Variants in EFR3B observed in about 807,000 individuals in gnomAD.
The protein encoded by EFR3B is EFR3 homolog B.
A neutral mutation model predicts 104.7 loss-of-function variants in EFR3B; 64 were observed. The observed-to-expected ratio is 0.61, with a 90% CI of 0.50 to 0.75. EFR3B has a LOEUF of 0.75. EFR3B is among the 30% of genes least tolerant of loss of function. The pLI is 0.00. For synonymous variants in EFR3B, 385 were observed against 417.9 expected, an observed-to-expected ratio of 0.92 and a Z score of 0.96; for missense variants, 750 against 1,078.5, an observed-to-expected ratio of 0.70 and a Z score of 4.27.
At chr2:25,063,009 C>T (rs900892486) in intron 1 of EFR3B, among the ~76,000 whole-genome samples, 12 of 152,112 alleles carry the variant, frequency 7.9e-5, no homozygotes, top group Non-Finnish European at 1.0e-4. Context: ...CTGCAACCTC[C>T]GCCTCCCATG....
intron 19 of EFR3B, 136 bp downstream of exon 19, chr2:25,145,187 T>C (rs1670781603): frequency 2.6e-6 from 2 of 765,838 alleles, no homozygotes; most frequent in Non-Finnish European, 4.5e-6. Flanking sequence ...ACACTTGTAC[T>C]GACTCTCCCC....
In EFR3B at chr2:25,131,381, ACCTGGTCAT is replaced by A. The variant is rs1391389223; in HGVS notation, c.866_874del (p.Leu289_Ile291del). On this transcript the variant is annotated inframe_deletion, in exon 9 of 23. Coordinates refer to ENST00000403714, the MANE Select transcript of EFR3B (RefSeq NM_014971.2). This position sits in a 1 kb window ranked among gnomAD's most constrained non-coding sequence, Gnocchi z 7.6. Reference sequence around the variant, plus strand: ...TTCCTCCCGCAGCCGCAGCACTCACACCTGGTCATCCAGCAGCTCCTGGGCCACCTGGAC... The same window carrying A: ...TTCCTCCCGCAGCCGCAGCACTCACACCAGCAGCTCCTGGGCCACCTGGAC... 1.3e-6 allele frequency: 2 copies of A among 1,550,692 alleles called. No homozygotes were observed. Among genetic ancestry groups the A allele is most frequent in the Admixed American group, 3.9e-5 (2 of 50,970 alleles).
chr2:25,065,381 A>T (rs1372868606), intron 1 of EFR3B, among the ~76,000 whole-genome samples: 1 of 123,144 alleles, frequency 8.1e-6, no homozygotes, highest in South Asian at 2.6e-4. Context: ...GGTTCAGATG[A>T]GTTCTCACTG....
intron 1 of EFR3B, among the ~76,000 whole-genome samples, chr2:25,077,343 G>A (rs542574315): frequency 7.9e-5 from 12 of 152,104 alleles, no homozygotes; most frequent in South Asian, 4.1e-4. Context: ...GCTGGAGTGC[G>A]ATGGCACGAT....
chr2:25,143,672 T>A, intron 17 of EFR3B, 63 bp from the exon 18 acceptor site: 5 of 1,518,238 alleles, frequency 3.3e-6, no homozygotes, highest in East Asian at 2.5e-5. Context: ...AAAAAAAAAA[T>A]TGTTCAGAAG....
At chr2:25,057,696 C>T (rs868409804) in intron 1 of EFR3B, among the ~76,000 whole-genome samples, 1 of 151,220 alleles carries the variant, frequency 6.6e-6, no homozygotes, top group Non-Finnish European at 1.5e-5. Context: ...GCAGGAGAAT[C>T]GCTTGAACCT....
At chr2:25,100,111 G>A (rs1430566988) in intron 3 of EFR3B, among the ~76,000 whole-genome samples, 4 of 152,108 alleles carry the variant, frequency 2.6e-5, no homozygotes, top group Non-Finnish European at 5.9e-5. Flanking sequence ...GGCTAAGGCA[G>A]GAGAATCGCT....
In EFR3B at chr2:25,136,580, C is replaced by T; in HGVS notation, c.1542C>T (p.Asp514=). The T allele has an allele frequency of 1.9e-6, 3 of 1,551,378 alleles. No homozygotes were observed. In the South Asian group the frequency reaches 3.6e-5, roughly 18 times the overall value. Residue 514 remains aspartate, a synonymous_variant, in exon 14 of 23, where the codon GAC becomes GAT. Coordinates refer to ENST00000403714, the MANE Select transcript of EFR3B (RefSeq NM_014971.2). The surrounding 1 kb of genome is among the most constrained non-coding windows in gnomAD (Gnocchi z 4.0). The stretch of plus-strand genomic sequence containing the variant: ...AAGTGGACAAGTGCTCTCGACAGGA[C>T]ACCGTCTTCATGAAGAAGGTAAACA... ...KLKVDKCSRQ[D]TVFMKKHSQQ... is the part of the protein sequence containing the mutation.
At chr2:25,090,132 C>G (rs491147) in intron 1 of EFR3B, among the ~76,000 whole-genome samples, 115,780 of 152,218 alleles carry the variant, frequency 0.76, 44,354 homozygotes, top group South Asian at 0.88. Flanking sequence ...AATCTTCCCA[C>G]GGCACATTTG....
chr2:25,055,635 G>T (rs1215448647), intron 1 of EFR3B, among the ~76,000 whole-genome samples: 1 of 152,188 alleles, frequency 6.6e-6, no homozygotes, highest in Non-Finnish European at 1.5e-5. Flanking sequence ...TGGAGAAAAA[G>T]AAATACTGTT....
intron 4 of EFR3B, among the ~76,000 whole-genome samples, chr2:25,107,145 A>G (rs1314165827): frequency 6.6e-6 from 1 of 152,224 alleles, no homozygotes; most frequent in Non-Finnish European, 1.5e-5. Flanking sequence ...TATTCTCCCT[A>G]GAATCTGGGG....
intron 4 of EFR3B, among the ~76,000 whole-genome samples, 170 bp from the exon 5 acceptor site, chr2:25,121,503 G>A (rs542764153): frequency 3.9e-5 from 6 of 152,260 alleles, no homozygotes; most frequent in South Asian, 2.1e-4. Context: ...CAGGAGAGGC[G>A]AGCGGGATTG....
At chr2:25,150,403 G>T (rs1670970625) in intron 20 of EFR3B, among the ~76,000 whole-genome samples, 1 of 151,410 alleles carries the variant, frequency 6.6e-6, no homozygotes, top group African/African-American at 2.4e-5. Context: ...AAAAGAACAA[G>T]CTGGCCAATG....
intron 3 of EFR3B, among the ~76,000 whole-genome samples, chr2:25,096,842 A>G (rs1669294432): frequency 6.6e-6 from 1 of 152,186 alleles, no homozygotes; most frequent in African/African-American, 2.4e-5. Flanking sequence ...CACAGGCCTC[A>G]CCAGCAAATC....
chr2:25,072,604 C>T (rs979138505), intron 1 of EFR3B, among the ~76,000 whole-genome samples: 1 of 152,134 alleles, frequency 6.6e-6, no homozygotes, highest in Non-Finnish European at 1.5e-5. Context: ...TATGCCTTGA[C>T]TTCTGCTTCT....
intron 1 of EFR3B, among the ~76,000 whole-genome samples, chr2:25,049,088 A>G (rs1440135369): frequency 6.6e-6 from 1 of 152,356 alleles, no homozygotes; most frequent in Middle Eastern, 3.4e-3. Flanking sequence ...CATATTGTTC[A>G]ATTGCTTTCA....
Position 25,151,960 on chromosome 2 carries a change from G to C in EFR3B, c.2238G>C (p.Gln746His), listed in dbSNP as rs1392841458. 6.4e-7 allele frequency: 1 copy of C among 1,551,620 alleles called. No individual in the cohort carries two copies. Among genetic ancestry groups the C allele is most frequent in the Non-Finnish European group, 8.7e-7 (1 of 1,147,018 alleles). ...AGCAGGAGCGTGAGCGGCGGCGGCA[G>C]GTGGTGGAGAAGTTCCAGAAGGCAC... is the stretch of plus-strand genomic sequence containing the variant. ...VEEQERERRR[Q>H]VVEKFQKAPF... is the part of the protein sequence containing the mutation. Residue 746 changes from glutamine (Q) to histidine (H), a missense_variant, in exon 21 of 23, where the codon CAG (glutamine) becomes CAC (histidine). Transcript: ENST00000403714.
chr2:25,046,168 C>G (rs1029823185), intron 1 of EFR3B, among the ~76,000 whole-genome samples: 1 of 152,050 alleles, frequency 6.6e-6, no homozygotes, highest in Non-Finnish European at 1.5e-5. Context: ...GGTGGATCAC[C>G]TGAGGTCAGG....
intron 2 of EFR3B, among the ~76,000 whole-genome samples, chr2:25,092,012 A>AGAGCTGCC (rs1669139176): frequency 6.6e-6 from 1 of 151,690 alleles, no homozygotes; most frequent in Non-Finnish European, 1.5e-5. Context: ...TAAGAGCTGC[A>AGAGCTGCC]GAGCTGCCTT....
Sources: gnomAD v4.1 joint callset for allele counts (sites outside exome capture counted in the v4.1 genomes callset) on GRCh38, gnomAD v4.1.1 for gene constraint, Gnocchi (gnomAD v3.1) non-coding constraint, MANE v1.5 for transcripts, NCBI Gene and HGNC (gene_info 2026-07-23, HGNC 2026-07-21) for gene names.